The following SRRM3 variants were observed in gnomAD, a reference collection of about 807,000 sequenced individuals.
The protein encoded by SRRM3 is serine/arginine repetitive matrix protein 3.
SRRM3 carries 27 observed loss-of-function variants against 66.2 expected under a neutral mutation model. The observed-to-expected ratio is 0.41, with a 90% CI of 0.30 to 0.56. The LOEUF is 0.56. Among genes scored for constraint, SRRM3 ranks in the 20% least tolerant of loss-of-function variants. The pLI is 0.32. For missense variants in SRRM3, 918 were observed against 991.9 expected (o/e 0.93, Z 1.00); for synonymous variants, 391 against 414.9 (o/e 0.94, Z 0.70).
chr7:76,257,597 C>G (rs1195785523), intron 3 of SRRM3, among the ~76,000 whole-genome samples: 1 of 151,656 alleles, frequency 6.6e-6, no homozygotes, highest in Non-Finnish European at 1.5e-5. Context: ...AGTGAGACCC[C>G]ATCTCTACAA....
At chr7:76,283,939 C>T (rs1469961604) in intron 14 of SRRM3, 2 of 599,994 alleles carry the variant, frequency 3.3e-6, no homozygotes, top group Non-Finnish European at 4.2e-6. Context: ...AACTCTGCCA[C>T]TGCCTTGCTG....
At chr7:76,237,240 T>C (rs1801174396) in intron 2 of SRRM3, among the ~76,000 whole-genome samples, 1 of 152,094 alleles carries the variant, frequency 6.6e-6, no homozygotes, top group Non-Finnish European at 1.5e-5. Flanking sequence ...ACCCCATCGC[T>C]ACTAAAAATA....
Position 76,282,872 on chromosome 7 carries a change from G to T in SRRM3, c.1595G>T (p.Arg532Leu). Reference protein sequence around the residue: ...RSPSPKKPLSRDKDGEGRARH... With the variant: ...RSPSPKKPLSLDKDGEGRARH... ...CCGTCGCCCAAGAAGCCCCTCAGCC[G>T]GTGAGTGCCCGCCCGGACCGGGCCG... Residue 532 changes from arginine (R) to leucine (L), a missense_variant and splice_region_variant, in exon 13 of 15, where the codon CGG becomes CTG. Coordinates refer to ENST00000611745, the MANE Select transcript of SRRM3 (RefSeq NM_001110199.3). The T allele has an allele frequency of 1.4e-6, 2 of 1,433,358 alleles. No homozygotes were observed. Among genetic ancestry groups the T allele is most frequent in the Non-Finnish European group, 1.8e-6 (2 of 1,097,256 alleles). 88.8% of individuals were successfully genotyped at this position (1,433,358 alleles called of 1,614,324 possible). A position where few individuals can be genotyped will look rare whatever the true frequency, so the allele number is the denominator to read the frequency against.
At chr7:76,208,128 A>G (rs1800344372) in intron 1 of SRRM3, among the ~76,000 whole-genome samples, 1 of 152,150 alleles carries the variant, frequency 6.6e-6, no homozygotes, top group Admixed American at 6.6e-5. Context: ...GATTTGCCAG[A>G]ACTGCTAGGG....
At chr7:76,217,739 T>C (rs1563609139) in intron 1 of SRRM3, among the ~76,000 whole-genome samples, 1 of 152,176 alleles carries the variant, frequency 6.6e-6, no homozygotes, top group East Asian at 1.9e-4. Flanking sequence ...ATTGATAAGA[T>C]GTCCCAATAA....
At chr7:76,221,357 C>T (rs1344860890) in intron 1 of SRRM3, among the ~76,000 whole-genome samples, 2 of 117,776 alleles carry the variant, frequency 1.7e-5, no homozygotes, top group Non-Finnish European at 3.2e-5. Context: ...GCCTGCCCTC[C>T]TCTTTTTTTT....
At chr7:76,243,410 C>G (rs947857138) in intron 2 of SRRM3, among the ~76,000 whole-genome samples, 8 of 152,142 alleles carry the variant, frequency 5.3e-5, no homozygotes, top group African/African-American at 1.9e-4. Context: ...TCCCCAGCTT[C>G]TCCCAACAAG....
intron 3 of SRRM3, among the ~76,000 whole-genome samples, chr7:76,253,069 C>T (rs1291679509): frequency 6.6e-6 from 1 of 151,992 alleles, no homozygotes; most frequent in Non-Finnish European, 1.5e-5. Flanking sequence ...GAGGCTGAGG[C>T]ACAAGAATGG....
chr7:76,283,000 G>C lies in SRRM3; in HGVS notation c.1632G>C (p.Glu544Asp), dbSNP rs781806211. 71 of 1,461,604 alleles carry C rather than the reference G, an allele frequency of 4.9e-5. No individual in the cohort carries two copies. The highest frequency in any genetic ancestry group is 6.4e-5 in the Non-Finnish European group (71 of 1,113,164). 90.5% of individuals were successfully genotyped at this position (1,461,604 alleles called of 1,614,324 possible). Reference sequence around the variant, plus strand: ...GCGAGGGCCGCGCAAGGCACTCTGAGGCCGAGGCCACCCGCGCCCGGCGCC... The same window carrying C: ...GCGAGGGCCGCGCAAGGCACTCTGACGCCGAGGCCACCCGCGCCCGGCGCC... ...KDGEGRARHS[E>D]AEATRARRRS... Residue 544 changes from glutamate (E) to aspartate (D), a missense_variant, in exon 14 of 15, where the codon GAG becomes GAC. Transcript: ENST00000611745.
At chr7:76,265,618 C>T (rs979731387) in intron 10 of SRRM3, 150 bp downstream of exon 10, 1 of 617,348 alleles carries the variant, frequency 1.6e-6, no homozygotes, top group Non-Finnish European at 2.6e-6. Flanking sequence ...TGTGGTGGCT[C>T]ACTGCTGTAG....
intron 2 of SRRM3, among the ~76,000 whole-genome samples, chr7:76,239,606 G>A (rs1223619234): frequency 6.6e-6 from 1 of 152,114 alleles, no homozygotes; most frequent in African/African-American, 2.4e-5. Flanking sequence ...AGAAGGCTGA[G>A]GTGAGAGGAT....
chr7:76,238,495 T>C (rs1037419843), intron 2 of SRRM3, among the ~76,000 whole-genome samples: 3 of 152,112 alleles, frequency 2.0e-5, no homozygotes, highest in Non-Finnish European at 4.4e-5. Context: ...AATCCACTGG[T>C]GATTGATGGC....
intron 2 of SRRM3, among the ~76,000 whole-genome samples, chr7:76,241,026 T>C (rs1801282497): frequency 6.6e-6 from 1 of 152,154 alleles, no homozygotes; most frequent in African/African-American, 2.4e-5. Context: ...GCCTGCCAAG[T>C]AGCTGGGATT....
intron 3 of SRRM3, among the ~76,000 whole-genome samples, chr7:76,252,267 T>G (rs1801599067): frequency 1.3e-5 from 2 of 152,214 alleles, no homozygotes; most frequent in African/African-American, 4.8e-5. Flanking sequence ...ATTCAAGGGC[T>G]GTGTCATTTG....
chr7:76,283,809 G>A (rs1029643125), intron 14 of SRRM3: 1 of 985,434 alleles, frequency 1.0e-6, no homozygotes, highest in Non-Finnish European at 1.2e-6. Context: ...GCTAGGACTG[G>A]AAGTGTCTGG....
intron 1 of SRRM3, among the ~76,000 whole-genome samples, chr7:76,233,837 C>T (rs549321298): frequency 7.2e-5 from 11 of 152,074 alleles, no homozygotes; most frequent in Non-Finnish European, 1.3e-4. Context: ...TTTTCATCAC[C>T]GCTGTTGCCT....
At chr7:76,264,514 A>G (rs1360667919) in intron 8 of SRRM3, among the ~76,000 whole-genome samples, 1 of 152,142 alleles carries the variant, frequency 6.6e-6, no homozygotes, top group Admixed American at 6.5e-5. Context: ...TGGCCCTCCC[A>G]GACTGGGCAG....
At chr7:76,225,527 G>C (rs925656804) in intron 1 of SRRM3, among the ~76,000 whole-genome samples, 26 of 144,476 alleles carry the variant, frequency 1.8e-4, no homozygotes, top group Non-Finnish European at 1.2e-4. Context: ...GCAGCAAATG[G>C]GGCCCCCTGA....
intron 5 of SRRM3, 79 bp from the exon 6 acceptor site, chr7:76,260,795 G>T: frequency 3.6e-6 from 5 of 1,401,652 alleles, no homozygotes; most frequent in Non-Finnish European, 9.9e-7. Flanking sequence ...CCTGTCCTGC[G>T]TGAGACCCTG....
Sources: gnomAD v4.1 joint callset for allele counts (sites outside exome capture counted in the v4.1 genomes callset) on GRCh38, gnomAD v4.1.1 for gene constraint, MANE v1.5 for transcripts, NCBI Gene and HGNC (gene_info 2026-07-23, HGNC 2026-07-21) for gene names.